Variants in SMPX observed in about 807,000 individuals in gnomAD.
SMPX encodes small muscular protein.
Under a neutral mutation model 6.3 loss-of-function variants are expected in SMPX, and 2 were observed. The ratio of observed to expected loss-of-function variants is 0.32; its 90% CI spans 0.13 to 0.99. The LOEUF is 0.99. Ranked by LOEUF, SMPX falls within the 50% of genes least tolerant of loss-of-function variation. SMPX has a pLI of 0.49. For synonymous variants in SMPX, 32 were observed against 24.7 expected, an observed-to-expected ratio of 1.30 and a Z score of -0.88; for missense variants, 60 against 66.8, an observed-to-expected ratio of 0.90 and a Z score of 0.36.
intron 4 of SMPX, among the ~76,000 whole-genome samples, chrX:21,734,928 T>G (rs1229959793): frequency 8.9e-6 from 1 of 112,104 alleles, no homozygotes; most frequent in Non-Finnish European, 1.9e-5. Flanking sequence ...TCTAAAGTAC[T>G]GTAATAGTTA....
Position 21,743,737 on chromosome X carries a change from G to A in SMPX, c.132+13C>T. On this transcript the variant is annotated intron_variant, in intron 3 of 4. Coordinates refer to ENST00000379494, the MANE Select transcript of SMPX (RefSeq NM_014332.3). Reference sequence around the variant, plus strand: ...AAAACATTGCTGTGTTCTGAGAGCTGAGTTTTCCTCACCTCCTCCACTTCA... The same window carrying A: ...AAAACATTGCTGTGTTCTGAGAGCTAAGTTTTCCTCACCTCCTCCACTTCA... The A allele has an allele frequency of 8.4e-7, 1 of 1,186,980 alleles. No homozygotes were observed. The highest frequency in any genetic ancestry group is 1.1e-6 in the Non-Finnish European group (1 of 873,174).
At chrX:21,751,129 C>T (rs1020356544) in intron 2 of SMPX, among the ~76,000 whole-genome samples, 1 of 112,164 alleles carries the variant, frequency 8.9e-6, no homozygotes, top group African/African-American at 3.2e-5. Context: ...GTCACTGTTT[C>T]TAGAAGTTCG....
intron 4 of SMPX, among the ~76,000 whole-genome samples, chrX:21,716,913 T>A (rs1166202019): frequency 1.8e-5 from 2 of 112,340 alleles, no homozygotes; most frequent in African/African-American, 6.5e-5. Flanking sequence ...TTTTACAATG[T>A]AAATCTTTTT....
chrX:21,724,573 T>G (rs1209991482), intron 4 of SMPX, among the ~76,000 whole-genome samples: 1 of 112,400 alleles, frequency 8.9e-6, no homozygotes, highest in Non-Finnish European at 1.9e-5. Context: ...AGCAGAGCCA[T>G]TATCTGTTCA....
chrX:21,717,849 G>A (rs2147374744), intron 4 of SMPX, among the ~76,000 whole-genome samples: 1 of 112,339 alleles, frequency 8.9e-6, no homozygotes, highest in South Asian at 3.7e-4. Flanking sequence ...GCCAGATAAT[G>A]AATACGGGAG....
chrX:21,721,428 C>T lies in SMPX; in HGVS notation c.*15-15034G>A, dbSNP rs12558429. ...TATGCTGCATGACTTTCCAAGAATG[C>T]TTGGCTGTTTTCCACCGTTGAATAC... On this transcript the variant is annotated intron_variant, in intron 4 of 4. Transcript: ENST00000379494. 0.021 allele frequency among the ~76,000 whole-genome samples: 2,338 copies of T among 112,321 alleles called. 146 individuals carry two copies. The East Asian group carries it at 0.25, about 12-fold the overall frequency.
chrX:21,715,955 A>G (rs534603909), intron 4 of SMPX, among the ~76,000 whole-genome samples: 1 of 111,938 alleles, frequency 8.9e-6, no homozygotes, highest in Non-Finnish European at 1.9e-5. Context: ...GCTGTTTCTG[A>G]TGAAAGAAAA....
chrX:21,731,129 T>G (rs1375821368), intron 4 of SMPX, among the ~76,000 whole-genome samples: 2 of 111,020 alleles, frequency 1.8e-5, no homozygotes, highest in Non-Finnish European at 3.8e-5. Context: ...CTCCTTTGAC[T>G]CATTGGTTAT....
intron 1 of SMPX, among the ~76,000 whole-genome samples, chrX:21,756,950 T>C (rs1371850379): frequency 8.9e-6 from 1 of 112,244 alleles, no homozygotes; most frequent in African/African-American, 3.2e-5. Flanking sequence ...GTTCTGTAAG[T>C]CAGTGGGGAC....
In SMPX at chrX:21,737,634, G is replaced by A; in HGVS notation, c.196C>T (p.Pro66Ser). ...PIPGAKKLPG[P>S]AVNLSEIQNI... is the part of the protein sequence containing the mutation. ...TGGATTTCCGATAGATTGACTGCAG[G>A]TCCTGGAAGTTTCTTCGCTCCTGGA... The change falls in exon 4 of 5, where the codon CCT (proline) becomes TCT (serine). Residue 66 changes from proline to serine, a missense_variant. Physicochemically the swap from Pro to Ser is moderately conservative, Grantham distance 74. Coordinates refer to ENST00000379494, the MANE Select transcript of SMPX (RefSeq NM_014332.3). The A allele has an allele frequency of 1.8e-5, 22 of 1,205,672 alleles. No individual in the cohort carries two copies. Among genetic ancestry groups the A allele is most frequent in the Non-Finnish European group, 2.4e-5 (21 of 889,933 alleles).
At chrX:21,737,402 G>A (rs2092811552) in intron 4 of SMPX, 147 bp downstream of exon 4, 1 of 544,603 alleles carries the variant, frequency 1.8e-6, no homozygotes, top group African/African-American at 2.3e-5. Flanking sequence ...GGCTTAACCA[G>A]AAAACTGCAC....
chrX:21,707,470 G>A, intron 4 of SMPX, among the ~76,000 whole-genome samples: 1 of 111,956 alleles, frequency 8.9e-6, no homozygotes, highest in Admixed American at 9.5e-5. Flanking sequence ...AGAGTATATT[G>A]TTAGTCTTAT....
At chrX:21,756,794 T>G (rs1370296476) in intron 1 of SMPX, among the ~76,000 whole-genome samples, 1 of 112,787 alleles carries the variant, frequency 8.9e-6, no homozygotes, top group Non-Finnish European at 1.9e-5. Context: ...AAAGAGGTAC[T>G]CTTTACAGCA....
At chrX:21,711,567 C>T (rs1191969110) in intron 4 of SMPX, among the ~76,000 whole-genome samples, 2 of 111,810 alleles carry the variant, frequency 1.8e-5, no homozygotes, top group Non-Finnish European at 3.8e-5. Context: ...GATGATACAC[C>T]AAATATCTCC....
chrX:21,744,321 C>T (rs1418572559), intron 2 of SMPX, among the ~76,000 whole-genome samples: 1 of 111,705 alleles, frequency 9.0e-6, no homozygotes, highest in African/African-American at 3.3e-5. Context: ...CCATAATGTC[C>T]TGCACTTTAT....
chrX:21,713,645 G>T (rs2092781120), intron 4 of SMPX, among the ~76,000 whole-genome samples: 1 of 111,430 alleles, frequency 9.0e-6, no homozygotes, highest in Non-Finnish European at 1.9e-5. Context: ...ACATGAGAAA[G>T]ACCCGCCCCC....
At chrX:21,731,867 T>C (rs926090696) in intron 4 of SMPX, among the ~76,000 whole-genome samples, 2 of 108,290 alleles carry the variant, frequency 1.8e-5, no homozygotes, top group African/African-American at 6.8e-5. Context: ...CTAGTTAGTT[T>C]ATGGTGTTGT....
At chrX:21,747,182 T>C (rs1423242671) in intron 2 of SMPX, among the ~76,000 whole-genome samples, 1 of 112,050 alleles carries the variant, frequency 8.9e-6, no homozygotes, top group East Asian at 2.8e-4. Context: ...ATAGATTCTA[T>C]ATAAATGCAA....
At chrX:21,754,572 G>A (rs1301000722) in intron 1 of SMPX, among the ~76,000 whole-genome samples, 1 of 111,975 alleles carries the variant, frequency 8.9e-6, no homozygotes, top group Non-Finnish European at 1.9e-5. Flanking sequence ...AAACTTGAAA[G>A]GTGCTATCAT....
Sources: allele counts gnomAD v4.1 joint callset (sites outside exome capture counted in the v4.1 genomes callset), GRCh38; gene constraint gnomAD v4.1.1; transcripts MANE v1.5; gene names NCBI Gene and HGNC (gene_info 2026-07-23, HGNC 2026-07-21).